THSD7B: variants seen among roughly 807,000 people sequenced by gnomAD.
The protein encoded by THSD7B is thrombospondin type 1 domain containing 7B, also known as thrombospondin type-1 domain-containing protein 7B.
Under a neutral mutation model 213.6 loss-of-function variants are expected in THSD7B, and 138 were observed. The ratio of observed to expected loss-of-function variants is 0.65; its 90% CI spans 0.56 to 0.74. The LOEUF (loss-of-function observed/expected upper bound fraction) is 0.74. Ranked by LOEUF, THSD7B falls within the 30% of genes least tolerant of loss-of-function variation. THSD7B has a pLI of 0.00. For missense variants in THSD7B, 1,931 were observed against 1,991.5 expected (o/e 0.97, Z 0.58); for synonymous variants, 742 against 687.0 (o/e 1.08, Z -1.25).
At chr2:137,000,386 T>C (rs952784586) in intron 2 of THSD7B, among the ~76,000 whole-genome samples, 1 of 152,162 alleles carries the variant, frequency 6.6e-6, no homozygotes, top group African/African-American at 2.4e-5. Flanking sequence ...AGTCTTTTAA[T>C]GCTTAATCTC....
chr2:137,238,530 C>CTTTT (rs1573905313), intron 9 of THSD7B, among the ~76,000 whole-genome samples: 1 of 62,792 alleles, frequency 1.6e-5, no homozygotes. Context: ...TGACACTCAT[C>CTTTT]TTTCTTTTTT....
At chr2:137,524,059 A>G (rs368467323) in intron 15 of THSD7B, among the ~76,000 whole-genome samples, 6 of 152,102 alleles carry the variant, frequency 3.9e-5, no homozygotes, top group Admixed American at 1.3e-4. Flanking sequence ...GTGAAACTGC[A>G]TATGTGTTTA....
chr2:137,247,154 A>G (rs1203172052), intron 10 of THSD7B, among the ~76,000 whole-genome samples: 1 of 152,180 alleles, frequency 6.6e-6, no homozygotes, highest in African/African-American at 2.4e-5. Flanking sequence ...GTCATTCCTC[A>G]TGTTTTTACT....
At chr2:137,332,779 G>A (rs897974985) in intron 12 of THSD7B, among the ~76,000 whole-genome samples, 2 of 152,094 alleles carry the variant, frequency 1.3e-5, no homozygotes, top group African/African-American at 4.8e-5. Context: ...CTTTTATAAG[G>A]GGCTTCTCCC....
chr2:137,229,499 T>G (rs79396622), intron 7 of THSD7B, among the ~76,000 whole-genome samples: 1,780 of 152,300 alleles, frequency 0.012, 27 homozygotes, highest in African/African-American at 0.041. Context: ...AAAAGCTTTA[T>G]TTGTACCTCA....
intron 2 of THSD7B, among the ~76,000 whole-genome samples, chr2:136,916,665 A>G (rs1245749042): frequency 6.6e-6 from 1 of 152,238 alleles, no homozygotes; most frequent in African/African-American, 2.4e-5. Context: ...TGTGTATGAC[A>G]TTCAGCTTCC....
At chr2:136,890,144 G>GT (rs1683789307) in intron 2 of THSD7B, among the ~76,000 whole-genome samples, 2 of 151,922 alleles carry the variant, frequency 1.3e-5, no homozygotes, top group Admixed American at 6.6e-5. Context: ...ATTGCTACCT[G>GT]TTTGCTTGTT....
chr2:136,890,428 TTC>T (rs1222268006), intron 2 of THSD7B, among the ~76,000 whole-genome samples: 972 of 4,640 alleles, frequency 0.21, 308 homozygotes, highest in Middle Eastern at 0.5. Context: ...CTTCTTCTTC[TTC>T]TTCTTCTTCT....
intron 7 of THSD7B, among the ~76,000 whole-genome samples, chr2:137,206,596 G>C (rs901971315): frequency 6.6e-6 from 1 of 151,982 alleles, no homozygotes; most frequent in African/African-American, 2.4e-5. Flanking sequence ...TGCAAACAAG[G>C]CTGCCAGCCA....
At chr2:137,432,817 C>G (rs1044101804) in intron 14 of THSD7B, among the ~76,000 whole-genome samples, 1 of 152,150 alleles carries the variant, frequency 6.6e-6, no homozygotes, top group African/African-American at 2.4e-5. Context: ...TCAGTTTCTT[C>G]AAGAAGCCTT....
chr2:136,892,997 C>A (rs1448483354), intron 2 of THSD7B, among the ~76,000 whole-genome samples: 1 of 152,262 alleles, frequency 6.6e-6, no homozygotes, highest in East Asian at 1.9e-4. Context: ...TGAGTTATAT[C>A]ATTTAATGCT....
At chr2:136,782,986 A>G (rs1258558896) in intron 1 of THSD7B, among the ~76,000 whole-genome samples, 1 of 152,226 alleles carries the variant, frequency 6.6e-6, no homozygotes, top group African/African-American at 2.4e-5. Context: ...TAATATATGA[A>G]TTTCACATTT....
At chr2:136,772,280 A>G (rs557598958) in intron 1 of THSD7B, among the ~76,000 whole-genome samples, 24 of 152,310 alleles carry the variant, frequency 1.6e-4, no homozygotes, top group Non-Finnish European at 2.8e-4. Context: ...CAAGGCCTCT[A>G]TAGTCAATGG....
rs552638778 is a variant in THSD7B at position 137,661,109 on chromosome 2, G to A, written c.4458+1363G>A. Among the ~76,000 whole-genome samples the A allele has an allele frequency of 7.2e-5, 11 of 152,252 alleles. 1 individual carries two copies. Among genetic ancestry groups the A allele is most frequent in the Middle Eastern group, 3.4e-3 (1 of 294 alleles). ...TTAGGTAAGGAGCCATAAGAGCGAA[G>A]TCATAGAGATTCATAATCTTATGCT... is the stretch of plus-strand genomic sequence containing the variant. On this transcript the variant is annotated intron_variant, in intron 25 of 27. Coordinates refer to ENST00000409968, the MANE Select transcript of THSD7B (RefSeq NM_001316349.2).
intron 2 of THSD7B, among the ~76,000 whole-genome samples, chr2:136,905,637 C>T (rs188760053): frequency 1.3e-5 from 2 of 152,286 alleles, no homozygotes; most frequent in Non-Finnish European, 2.9e-5. Flanking sequence ...GCTTCAGTAG[C>T]ATGTTCTCCT....
intron 5 of THSD7B, among the ~76,000 whole-genome samples, chr2:137,123,960 C>A (rs551192404): frequency 1.3e-5 from 2 of 152,128 alleles, no homozygotes; most frequent in African/African-American, 2.4e-5. Flanking sequence ...AGAACTCAGT[C>A]GATATTTCCT....
intron 15 of THSD7B, among the ~76,000 whole-genome samples, chr2:137,544,383 C>T (rs1680668067): frequency 2.0e-5 from 3 of 151,722 alleles, no homozygotes; most frequent in African/African-American, 7.3e-5. Context: ...TATGAAATTT[C>T]CAGAATAGGC....
rs750998639 is a variant in THSD7B, at chr2:137,572,410, G to C, written c.3277G>C (p.Val1093Leu). 2 of 1,613,802 alleles carry C rather than the reference G, an allele frequency of 1.2e-6. No homozygotes were observed. The highest frequency in any genetic ancestry group is 1.7e-6 in the Non-Finnish European group (2 of 1,179,786). ...TCTTGTGACCTTGCTTTACAGATGT[G>C]TGAATACTGCGGATGGTGAAGGTGG... ...GGTQSRKIRC[V>L]NTADGEGGAV... The change falls in exon 17 of 28, where the codon GTG (valine) becomes CTG (leucine). Residue 1093 changes from valine to leucine, a missense_variant. Physicochemically the swap from Val to Leu is conservative, Grantham distance 32. Coordinates refer to ENST00000409968, the MANE Select transcript of THSD7B (RefSeq NM_001316349.2).
intron 27 of THSD7B, among the ~76,000 whole-genome samples, chr2:137,669,605 A>T (rs1683520402): frequency 6.6e-6 from 1 of 152,226 alleles, no homozygotes; most frequent in Non-Finnish European, 1.5e-5. Context: ...CTTAAATTGC[A>T]GCAAAGGACA....
Sources: allele counts gnomAD v4.1 joint callset (sites outside exome capture counted in the v4.1 genomes callset), GRCh38; gene constraint gnomAD v4.1.1; transcripts MANE v1.5; gene names NCBI Gene and HGNC (gene_info 2026-07-23, HGNC 2026-07-21).